The following TAF8 variants were observed in gnomAD, a reference collection of about 807,000 sequenced individuals.
The protein encoded by TAF8 is transcription initiation factor TFIID subunit 8.
In TAF8, 47 loss-of-function variants were observed where a neutral mutation model predicts 36.5. The observed-to-expected ratio is 1.29, with a 90% confidence interval of 1.02 to 1.64. The LOEUF (loss-of-function observed/expected upper bound fraction) is 1.64. Ranked by LOEUF, TAF8 falls within the 40% of genes most tolerant of loss-of-function variation. TAF8 has a pLI of 0.00. For synonymous variants in TAF8, 175 were observed against 159.5 expected (o/e 1.10, Z -0.73); for missense variants, 420 against 407.6 (o/e 1.03, Z -0.26).
In TAF8 at chr6:42,051,456, G is replaced by C. The variant is rs756213236; in HGVS notation, c.145G>C (p.Gly49Arg). 6.2e-7 allele frequency: 1 copy of C among 1,614,104 alleles called. No homozygotes were observed. Among genetic ancestry groups the C allele is most frequent in the East Asian group, 2.2e-5 (1 of 44,886 alleles). ...TGTGAGCTCCTTGCTGACAGAGGCA[G>C]GGTTTGAGAGTGCCGAGAAAGCATC... ...VVVSSLLTEAGFESAEKASVE... is the reference protein window; with the variant it reads ...VVVSSLLTEARFESAEKASVE... Residue 49 changes from glycine to arginine, a missense_variant, in exon 2 of 9, where the codon GGG (glycine) becomes CGG (arginine). Physicochemically the swap from Gly to Arg is moderately radical, Grantham distance 125. Coordinates refer to ENST00000372977, the MANE Select transcript of TAF8 (RefSeq NM_138572.3).
At chr6:42,064,312 G>A (rs1389434159) in intron 5 of TAF8, among the ~76,000 whole-genome samples, 1 of 152,134 alleles carries the variant, frequency 6.6e-6, no homozygotes, top group Non-Finnish European at 1.5e-5. Context: ...GAGTGCAGTG[G>A]TGTGATCTCG....
At chr6:42,052,470 C>T (rs1011707671) in intron 2 of TAF8, among the ~76,000 whole-genome samples, 2 of 152,086 alleles carry the variant, frequency 1.3e-5, no homozygotes, top group Non-Finnish European at 2.9e-5. Flanking sequence ...CATAGGCGTG[C>T]ACCACCACGC....
chr6:42,075,169 C>A (rs1014470578), intron 7 of TAF8, among the ~76,000 whole-genome samples: 2 of 152,214 alleles, frequency 1.3e-5, no homozygotes, highest in Non-Finnish European at 2.9e-5. Context: ...AGATACTACT[C>A]ATTTGTACCA....
chr6:42,061,441 A>G (rs1386450900), intron 5 of TAF8, among the ~76,000 whole-genome samples: 2 of 152,220 alleles, frequency 1.3e-5, no homozygotes, highest in African/African-American at 4.8e-5. Flanking sequence ...TGCATTTATT[A>G]GCACCTGTTA....
chr6:42,051,431 T>A lies in TAF8; in HGVS notation c.120T>A (p.Val40=), dbSNP rs751887537. ...CCCGGAGGAGAACCCTGCAGGTGGT[T>A]GTGAGCTCCTTGCTGACAGAGGCAG... ...HLARRRTLQV[V]VSSLLTEAGF... Residue 40 remains valine (V), a synonymous_variant, in exon 2 of 9, where the codon GTT becomes GTA. Transcript: ENST00000372977. 4.3e-6 allele frequency: 7 copies of A among 1,614,066 alleles called. No individual in the cohort carries two copies. The East Asian group carries it at 1.1e-4, about 26-fold the overall frequency.
chr6:42,066,328 T>C lies in TAF8; in HGVS notation c.506T>C (p.Val169Ala), dbSNP rs1445712107. The C allele has an allele frequency of 1.9e-6, 3 of 1,613,962 alleles. No individual in the cohort carries two copies. The highest frequency in any genetic ancestry group is 4.5e-5 in the East Asian group (2 of 44,896). The change falls in exon 6 of 9, where the codon GTG (valine) becomes GCG (alanine). Residue 169 changes from valine to alanine, a missense_variant. Coordinates refer to ENST00000372977, the MANE Select transcript of TAF8 (RefSeq NM_138572.3). Reference sequence around the variant, plus strand: ...TCTTCGTAGACGTACCGTGAGCCCGTGTCAGACTACCAGGTCCTGCGGGAG... The same window carrying C: ...TCTTCGTAGACGTACCGTGAGCCCGCGTCAGACTACCAGGTCCTGCGGGAG... ...YIKTPTYREPVSDYQVLREKA... is the reference protein window; with the variant it reads ...YIKTPTYREPASDYQVLREKA...
At position 42,080,264 on chromosome 6, in the gene TAF8, G is replaced by A. The variant is rs909791901; in HGVS notation, c.*2719G>A. On this transcript the variant is annotated 3_prime_UTR_variant, in exon 9 of 9. Transcript: ENST00000372977. ...AGCTTCCATTTGTTGTTGTTATCCA[G>A]TGTAAGCACCTGTTGAATGCAGATG... is the stretch of plus-strand genomic sequence containing the variant. 2.0e-6 allele frequency: 2 copies of A among 985,702 alleles called. No homozygotes were observed. The highest frequency in any genetic ancestry group is 1.7e-5 in the African/African-American group (1 of 57,230). The allele number at this position is 985,702 out of a possible 1,614,324, so 61.1% of individuals were successfully genotyped here.
intron 5 of TAF8, among the ~76,000 whole-genome samples, chr6:42,065,920 GA>G (rs1765345696): frequency 6.6e-6 from 1 of 151,908 alleles, no homozygotes; most frequent in African/African-American, 2.4e-5. Flanking sequence ...TATTTTTTGA[GA>G]CAGAGTCTCG....
intron 5 of TAF8, among the ~76,000 whole-genome samples, chr6:42,060,177 A>G (rs185402881): frequency 6.6e-6 from 1 of 152,196 alleles, no homozygotes; most frequent in East Asian, 1.9e-4. Flanking sequence ...TGGAAGCACT[A>G]GTTTGGGGAC....
intron 1 of TAF8, chr6:42,050,862 G>A: frequency 8.7e-7 from 1 of 1,143,770 alleles, no homozygotes; most frequent in Non-Finnish European, 1.1e-6. Context: ...CCTTCTTATT[G>A]GCCGGCCAAA....
intron 7 of TAF8, among the ~76,000 whole-genome samples, chr6:42,075,710 G>C (rs1765723003): frequency 6.6e-6 from 1 of 152,174 alleles, no homozygotes; most frequent in South Asian, 2.1e-4. Flanking sequence ...AGGGGGCGCA[G>C]CCCGACCAAA....
rs1174119617 is a variant in TAF8 at position 42,062,529 on chromosome 6, CTTTTTTTTT to C, written c.490-3767_490-3759del. ...TGTTACTCTTTTAGGTTAAGACAATCTTTTTTTTTTTTTTTTTTTTTTTTGAGACAGAGT... is the reference window on the plus strand; with the variant it reads ...TGTTACTCTTTTAGGTTAAGACAATCTTTTTTTTTTTTTTTGAGACAGAGT... On this transcript the variant is annotated intron_variant, in intron 5 of 8. Coordinates refer to ENST00000372977, the MANE Select transcript of TAF8 (RefSeq NM_138572.3). Among the ~76,000 whole-genome samples, 6 of 78,730 alleles carry C rather than the reference CTTTTTTTTT, an allele frequency of 7.6e-5. No homozygotes were observed. In the South Asian group the frequency reaches 2.8e-3, roughly 37 times the overall value. 51.6% of individuals were successfully genotyped at this position (78,730 alleles called of 152,430 possible).
intron 5 of TAF8, among the ~76,000 whole-genome samples, chr6:42,058,611 A>G (rs1400625463): frequency 6.6e-6 from 1 of 152,020 alleles, no homozygotes; most frequent in African/African-American, 2.4e-5. Flanking sequence ...ATTTTTCCAT[A>G]CCTTAGGGTG....
Position 42,057,470 on chromosome 6 carries a change from A to G in TAF8, c.446A>G (p.His149Arg), listed in dbSNP as rs757874607. Residue 149 changes from histidine to arginine, a missense_variant, in exon 5 of 9, where the codon CAT becomes CGT. Transcript: ENST00000372977. ...CCCCACCCGCCGCACATCCCCAGCC[A>G]TTTTCCTGAGTTCCCTGATCCCCAC... Reference protein sequence around the residue: ...NRPHPPHIPSHFPEFPDPHTY... With the variant: ...NRPHPPHIPSRFPEFPDPHTY... 1.2e-6 allele frequency: 2 copies of G among 1,613,886 alleles called. No individual in the cohort carries two copies. Among genetic ancestry groups the G allele is most frequent in the Non-Finnish European group, 1.7e-6 (2 of 1,179,998 alleles).
chr6:42,077,464 C>T (rs1765792797), intron 8 of TAF8, 69 bp from the exon 9 acceptor site: 6 of 1,596,716 alleles, frequency 3.8e-6, no homozygotes, highest in Non-Finnish European at 5.1e-6. Flanking sequence ...AGCACTGGAG[C>T]AGTTTTCCCC....
chr6:42,064,553 C>CAAAAT (rs1562014469), intron 5 of TAF8, among the ~76,000 whole-genome samples: 1 of 152,054 alleles, frequency 6.6e-6, no homozygotes, highest in East Asian at 1.9e-4. Context: ...CCACACCCAG[C>CAAAAT]CTTTTGGGAA....
chr6:42,056,314 G>T, intron 4 of TAF8: 1 of 291,974 alleles, frequency 3.4e-6, no homozygotes, highest in Non-Finnish European at 6.6e-6. Flanking sequence ...ATTAAGGGTT[G>T]GTAAATTGTG....
chr6:42,053,666 A>G (rs771805399), intron 2 of TAF8, among the ~76,000 whole-genome samples: 1 of 152,202 alleles, frequency 6.6e-6, no homozygotes, highest in African/African-American at 2.4e-5. Context: ...ATCAAAAGTC[A>G]CATAGACTCA....
At chr6:42,059,040 G>C (rs2127453067) in intron 5 of TAF8, among the ~76,000 whole-genome samples, 1 of 152,190 alleles carries the variant, frequency 6.6e-6, no homozygotes, top group East Asian at 1.9e-4. Flanking sequence ...AATGTGGTAG[G>C]TCGGGGGAAG....
Sources: gnomAD v4.1 joint callset for allele counts (sites outside exome capture counted in the v4.1 genomes callset) on GRCh38, gnomAD v4.1.1 for gene constraint, MANE v1.5 for transcripts, NCBI Gene and HGNC (gene_info 2026-07-23, HGNC 2026-07-21) for gene names.